Variants in NAALADL2 observed in about 807,000 individuals in gnomAD.
NAALADL2 encodes N-acetylated alpha-linked acidic dipeptidase like 2.
In NAALADL2, 76 loss-of-function variants were observed where a neutral mutation model predicts 87.2. The observed-to-expected ratio is 0.87, with a 90% CI of 0.72 to 1.05. The LOEUF (loss-of-function observed/expected upper bound fraction) is 1.05. Ranked by LOEUF, NAALADL2 falls within the 50% of genes least tolerant of loss-of-function variation. The pLI, the probability that NAALADL2 is intolerant of heterozygous loss-of-function variation, is 0.00. For synonymous variants in NAALADL2, 354 were observed against 331.0 expected (o/e 1.07, Z -0.75); for missense variants, 1,089 against 945.8 (o/e 1.15, Z -1.99).
rs923221158 is a variant in NAALADL2, at chr3:175,160,294, C to T, written c.545+63003C>T. Among the ~76,000 whole-genome samples the T allele has an allele frequency of 2.1e-5, 3 of 146,072 alleles. No homozygotes were observed. In the Admixed American group the frequency reaches 2.1e-4, roughly 10 times the overall value. The stretch of plus-strand genomic sequence containing the variant: ...TTGTTTTACAAGGGGCTAAATATAG[C>T]AATTGTTTACAAAAGGCTTATAAGT... On this transcript the variant is annotated intron_variant, in intron 2 of 13. Coordinates refer to ENST00000454872, the MANE Select transcript of NAALADL2 (RefSeq NM_207015.3).
intron 1 of NAALADL2, among the ~76,000 whole-genome samples, chr3:175,003,707 A>C (rs1355246802): frequency 6.6e-6 from 1 of 152,238 alleles, no homozygotes; most frequent in Non-Finnish European, 1.5e-5. Context: ...ATTAGGCTGC[A>C]GTTGTTCATT....
At chr3:175,798,223 G>GA (rs1753740648) in intron 13 of NAALADL2, among the ~76,000 whole-genome samples, 1 of 151,868 alleles carries the variant, frequency 6.6e-6, no homozygotes, top group Non-Finnish European at 1.5e-5. Flanking sequence ...TTATCTGGGT[G>GA]AAAAAACGTA....
chr3:174,984,931 A>C (rs1383240122), intron 1 of NAALADL2, among the ~76,000 whole-genome samples: 1 of 152,214 alleles, frequency 6.6e-6, no homozygotes, highest in Non-Finnish European at 1.5e-5. Context: ...GTGAATATTC[A>C]GAAAATATTT....
At chr3:174,914,964 G>A (rs1734181812) in intron 1 of NAALADL2, among the ~76,000 whole-genome samples, 2 of 152,068 alleles carry the variant, frequency 1.3e-5, no homozygotes, top group Non-Finnish European at 2.9e-5. Context: ...GGATTTCACA[G>A]ATTTTTATTT....
intron 11 of NAALADL2, among the ~76,000 whole-genome samples, chr3:175,668,847 T>C (rs894925567): frequency 2.0e-5 from 3 of 152,144 alleles, no homozygotes; most frequent in African/African-American, 7.2e-5. Flanking sequence ...TACATGTTTG[T>C]GTATTTGTTT....
chr3:175,692,523 A>G (rs933780525), intron 11 of NAALADL2, among the ~76,000 whole-genome samples: 1 of 152,162 alleles, frequency 6.6e-6, no homozygotes, highest in Admixed American at 6.5e-5. Flanking sequence ...TAGTCAGGAC[A>G]TGGCATTATC....
At chr3:175,326,430 G>A (rs1452133184) in intron 5 of NAALADL2, among the ~76,000 whole-genome samples, 1 of 152,100 alleles carries the variant, frequency 6.6e-6, no homozygotes, top group Non-Finnish European at 1.5e-5. Flanking sequence ...CAACAATTTA[G>A]GCTTTTTCTA....
chr3:175,331,563 A>G (rs948158904), intron 5 of NAALADL2, among the ~76,000 whole-genome samples: 5 of 152,216 alleles, frequency 3.3e-5, no homozygotes, highest in African/African-American at 7.2e-5. Context: ...TCAACACTCC[A>G]TTGTGATAAA....
intron 10 of NAALADL2, among the ~76,000 whole-genome samples, chr3:175,604,429 G>A (rs757370886): frequency 6.7e-6 from 1 of 149,276 alleles, no homozygotes; most frequent in Non-Finnish European, 1.5e-5. Flanking sequence ...TCAGCCTCCC[G>A]AGTAGCTGGG....
chr3:174,562,393 A>T (rs558760783), intron 2 of NAALADL2, among the ~76,000 whole-genome samples: 1 of 152,114 alleles, frequency 6.6e-6, no homozygotes, highest in African/African-American at 2.4e-5. Flanking sequence ...ACTTAAAGAG[A>T]TTTTTGAAGC....
chr3:175,155,132 G>A (rs985871958), intron 2 of NAALADL2, among the ~76,000 whole-genome samples: 1 of 152,134 alleles, frequency 6.6e-6, no homozygotes, highest in African/African-American at 2.4e-5. Context: ...CAAACCCCTG[G>A]AGAGATGACA....
intron 2 of NAALADL2, among the ~76,000 whole-genome samples, chr3:174,600,844 G>C (rs1165566117): frequency 1.3e-5 from 2 of 152,104 alleles, no homozygotes; most frequent in African/African-American, 4.8e-5. Context: ...ACCAAAAGGG[G>C]AAATCTGCTC....
intron 10 of NAALADL2, among the ~76,000 whole-genome samples, chr3:175,590,615 A>G (rs1721297947): frequency 6.6e-6 from 1 of 152,184 alleles, no homozygotes; most frequent in African/African-American, 2.4e-5. Context: ...GCTAAACTTC[A>G]TTAAAGCTTT....
intron 1 of NAALADL2, among the ~76,000 whole-genome samples, chr3:175,052,165 G>A (rs1350500598): frequency 6.6e-6 from 1 of 152,216 alleles, no homozygotes; most frequent in Non-Finnish European, 1.5e-5. Flanking sequence ...TGCAGCAGGA[G>A]CATGTCCTTA....
In NAALADL2 at chr3:174,568,937, T is replaced by C. The variant is rs139580433; in HGVS notation, c.-115+18300T>C. ...CAGAATATTCTTTAAATTATACCAT[T>C]ATACCACGTTTCCAGGTTCCTAACA... is the stretch of plus-strand genomic sequence containing the variant. On this transcript the variant is annotated intron_variant, in intron 2 of 3. Transcript: ENST00000434257. Among the ~76,000 whole-genome samples the C allele has an allele frequency of 6.8e-3, 1,031 of 151,702 alleles. 10 individuals are homozygous for C. Among genetic ancestry groups the C allele is most frequent in the African/African-American group, 0.023 (966 of 41,490 alleles).
At chr3:174,528,876 G>A (rs977091618) in intron 1 of NAALADL2, among the ~76,000 whole-genome samples, 1 of 152,138 alleles carries the variant, frequency 6.6e-6, no homozygotes, top group African/African-American at 2.4e-5. Context: ...ACCTCGCACT[G>A]GGTCCCTCCC....
At chr3:174,927,490 G>T (rs570954279) in intron 1 of NAALADL2, among the ~76,000 whole-genome samples, 6 of 152,278 alleles carry the variant, frequency 3.9e-5, no homozygotes, top group South Asian at 4.1e-4. Flanking sequence ...TAAAAGTACA[G>T]AAATTATAAC....
At chr3:175,414,149 T>C (rs549810208) in intron 5 of NAALADL2, among the ~76,000 whole-genome samples, 4 of 152,324 alleles carry the variant, frequency 2.6e-5, no homozygotes, top group Admixed American at 2.6e-4. Context: ...GTTTGCTTTG[T>C]GGGAAAGACA....
intron 1 of NAALADL2, among the ~76,000 whole-genome samples, chr3:175,046,255 G>A (rs997056416): frequency 6.6e-6 from 1 of 152,070 alleles, no homozygotes; most frequent in African/African-American, 2.4e-5. Context: ...CGGAATTAGT[G>A]GGCTTTGGAT....
Sources: allele counts gnomAD v4.1 joint callset (sites outside exome capture counted in the v4.1 genomes callset), GRCh38; gene constraint gnomAD v4.1.1; transcripts MANE v1.5; gene names NCBI Gene and HGNC (gene_info 2026-07-23, HGNC 2026-07-21).